EPB41L4B: variants seen among roughly 807,000 people sequenced by gnomAD.
EPB41L4B encodes erythrocyte membrane protein band 4.1 like 4B.
Under a neutral mutation model 112.5 loss-of-function variants are expected in EPB41L4B, and 30 were observed. The observed-to-expected ratio is 0.27, with a 90% CI of 0.20 to 0.36. EPB41L4B has a LOEUF of 0.36. Among genes scored for constraint, EPB41L4B ranks in the 10% least tolerant of loss-of-function variants. The pLI is 1.00. For missense variants in EPB41L4B, 1,024 were observed against 1,133.3 expected (o/e 0.90, Z 1.38); for synonymous variants, 408 against 439.7 (o/e 0.93, Z 0.90).
intron 24 of EPB41L4B, among the ~76,000 whole-genome samples, chr9:109,179,463 CT>C (rs1831973112): frequency 6.6e-6 from 1 of 152,164 alleles, no homozygotes; most frequent in African/African-American, 2.4e-5. Flanking sequence ...AGCCCATGAG[CT>C]TGGCTTCTGT....
intron 11 of EPB41L4B, among the ~76,000 whole-genome samples, chr9:109,255,053 C>CTTATTAAT (rs1291625560): frequency 6.6e-6 from 1 of 152,198 alleles, no homozygotes; most frequent in Admixed American, 6.5e-5. Context: ...ATCAACCTAC[C>CTTATTAAT]TTATTAAGGG....
At chr9:109,199,867 A>G (rs948025187) in intron 20 of EPB41L4B, among the ~76,000 whole-genome samples, 1 of 152,236 alleles carries the variant, frequency 6.6e-6, no homozygotes, top group African/African-American at 2.4e-5. Flanking sequence ...AACCGTAAAA[A>G]CAAGCCTGCA....
chr9:109,208,858 G>A (rs1205642789), intron 17 of EPB41L4B, among the ~76,000 whole-genome samples: 1 of 152,078 alleles, frequency 6.6e-6, no homozygotes, highest in Non-Finnish European at 1.5e-5. Context: ...CATGCCTATT[G>A]TGGTCATTTC....
intron 1 of EPB41L4B, among the ~76,000 whole-genome samples, chr9:109,305,408 C>A (rs1261125063): frequency 5.9e-5 from 9 of 152,164 alleles, no homozygotes; most frequent in Admixed American, 5.9e-4. Flanking sequence ...CACTTGTGGT[C>A]AGGAGTTCAA....
At chr9:109,201,419 C>T (rs986100557) in intron 19 of EPB41L4B, among the ~76,000 whole-genome samples, 23 of 141,820 alleles carry the variant, frequency 1.6e-4, no homozygotes, top group Non-Finnish European at 2.9e-4. Flanking sequence ...TACTCCACTG[C>T]AGCCTGGGTG....
intron 3 of EPB41L4B, among the ~76,000 whole-genome samples, chr9:109,268,035 T>C (rs1324462544): frequency 6.6e-6 from 1 of 152,212 alleles, no homozygotes; most frequent in Non-Finnish European, 1.5e-5. Context: ...TAGCAGACTA[T>C]CAAAGAGCCC....
At chr9:109,176,144 T>C (rs542974651) in intron 25 of EPB41L4B, among the ~76,000 whole-genome samples, 1 of 152,152 alleles carries the variant, frequency 6.6e-6, no homozygotes, top group South Asian at 2.1e-4. Context: ...TTTTTTTTTT[T>C]TGAGGCAAAG....
Position 109,239,787 on chromosome 9 carries a change from G to C in EPB41L4B, c.1409+3831C>G, listed in dbSNP as rs1001915350. 7 of 977,832 alleles carry C rather than the reference G, an allele frequency of 7.2e-6. No homozygotes were observed. The African/African-American group carries it at 1.2e-4, about 17-fold the overall frequency. 60.6% of individuals were successfully genotyped at this position (977,832 alleles called of 1,614,324 possible). ...TATATGGCATACACAATTTCCAGGA[G>C]CCCACAGATAAGGGTTTGGATGCCT... On this transcript the variant is annotated intron_variant, in intron 15 of 25. Coordinates refer to ENST00000374566, the MANE Select transcript of EPB41L4B (RefSeq NM_019114.5).
Position 109,320,641 on chromosome 9 carries a change from G to A in EPB41L4B, c.-195C>T, listed in dbSNP as rs1419067622. ...GCTCTAGCCGCCTGCGGGGCGCGCC[G>A]GCCCGGCCAGCGCCGGCTGCGAGTG... On this transcript the variant is annotated 5_prime_UTR_variant, in exon 1 of 26. Coordinates refer to ENST00000374566, the MANE Select transcript of EPB41L4B (RefSeq NM_019114.5). The A allele has an allele frequency of 6.6e-6, 1 of 152,462 alleles. No homozygotes were observed. The highest frequency in any genetic ancestry group is 1.4e-5 in the Non-Finnish European group (1 of 72,282). The allele number at this position is 152,462 out of a possible 1,614,324, so 9.4% of individuals were successfully genotyped here.
chr9:109,181,804 T>C (rs983077743), intron 24 of EPB41L4B, among the ~76,000 whole-genome samples: 1 of 152,186 alleles, frequency 6.6e-6, no homozygotes, highest in Admixed American at 6.5e-5. Flanking sequence ...CACATATGCA[T>C]AGCAGCACTA....
chr9:109,247,884 C>G, intron 13 of EPB41L4B, 95 bp from the exon 14 acceptor site: 1 of 986,418 alleles, frequency 1.0e-6, no homozygotes, highest in South Asian at 2.1e-5. Flanking sequence ...TGAACTATTC[C>G]TATGTGCTAC....
At chr9:109,216,594 T>G (rs1225896065) in intron 16 of EPB41L4B, among the ~76,000 whole-genome samples, 2 of 146,632 alleles carry the variant, frequency 1.4e-5, no homozygotes, top group African/African-American at 5.1e-5. Flanking sequence ...TGAGCCGAGA[T>G]CATGCCACTG....
At chr9:109,296,471 A>T (rs1018018298) in intron 1 of EPB41L4B, among the ~76,000 whole-genome samples, 3 of 152,238 alleles carry the variant, frequency 2.0e-5, no homozygotes, top group African/African-American at 7.2e-5. Flanking sequence ...TTACCTAGCA[A>T]GGATGTTAAA....
chr9:109,224,029 T>TA, intron 15 of EPB41L4B, among the ~76,000 whole-genome samples: 1 of 150,908 alleles, frequency 6.6e-6, no homozygotes, highest in South Asian at 2.1e-4. Context: ...AAAAATAAAA[T>TA]AAAATAAAAA....
intron 14 of EPB41L4B, among the ~76,000 whole-genome samples, chr9:109,244,317 G>A (rs1207126390): frequency 1.3e-5 from 2 of 150,114 alleles, no homozygotes; most frequent in African/African-American, 4.9e-5. Flanking sequence ...GAGAGTTTGA[G>A]AAGAAGGGAT....
Position 109,297,783 on chromosome 9 carries a change from C to T in EPB41L4B, c.307-17862G>A, listed in dbSNP as rs143449390. ...CCAAGGCACAGTCTTGAACCCCAAG[C>T]TCCTTGGGTCCCACTCATGCCTGGT... On this transcript the variant is annotated intron_variant, in intron 1 of 25. Transcript: ENST00000374566. Among the ~76,000 whole-genome samples, 569 of 152,390 alleles carry T rather than the reference C, an allele frequency of 3.7e-3. 4 individuals are homozygous for T. Among genetic ancestry groups the T allele is most frequent in the Non-Finnish European group, 6.4e-3 (435 of 68,038 alleles).
chr9:109,223,580 C>T (rs192994121), intron 15 of EPB41L4B, among the ~76,000 whole-genome samples: 136 of 152,308 alleles, frequency 8.9e-4, no homozygotes, highest in Non-Finnish European at 1.6e-3. Context: ...ACAGACTCTA[C>T]AGCTCAGCCC....
intron 16 of EPB41L4B, among the ~76,000 whole-genome samples, chr9:109,216,274 C>T (rs1477590463): frequency 6.6e-6 from 1 of 151,728 alleles, no homozygotes; most frequent in East Asian, 1.9e-4. Flanking sequence ...GGATTTTTTT[C>T]GTCCAGCTCT....
intron 4 of EPB41L4B, among the ~76,000 whole-genome samples, 191 bp from the exon 5 acceptor site, chr9:109,265,215 G>A (rs1056255069): frequency 6.6e-6 from 1 of 152,188 alleles, no homozygotes; most frequent in African/African-American, 2.4e-5. Flanking sequence ...CCAGAACCAC[G>A]CTAGGAAGGT....
Sources: allele counts gnomAD v4.1 joint callset (sites outside exome capture counted in the v4.1 genomes callset), GRCh38; gene constraint gnomAD v4.1.1; transcripts MANE v1.5; gene names NCBI Gene and HGNC (gene_info 2026-07-23, HGNC 2026-07-21).